RANBP3L: variants seen among roughly 807,000 people sequenced by gnomAD.
RANBP3L encodes RAN binding protein 3 like.
A neutral mutation model predicts 67.2 loss-of-function variants in RANBP3L; 56 were observed. The ratio of observed to expected loss-of-function variants is 0.83; its 90% confidence interval spans 0.67 to 1.04. RANBP3L has a LOEUF of 1.04. RANBP3L is among the 50% of genes least tolerant of loss of function. The probability of loss-of-function intolerance (pLI) is 0.00; values close to 1 mark genes in which losing one functional copy is unlikely to be tolerated. For missense variants in RANBP3L, 496 were observed against 535.5 expected (o/e 0.93, Z 0.73); for synonymous variants, 164 against 181.4 (o/e 0.90, Z 0.77).
intron 8 of RANBP3L, 147 bp from the exon 9 acceptor site, chr5:36,257,703 C>G (rs1190322851): frequency 2.2e-6 from 1 of 448,350 alleles, no homozygotes; most frequent in African/African-American, 2.0e-5. Flanking sequence ...TTTCTGTGTG[C>G]TGAACAGAGA....
At chr5:36,298,352 G>A (rs993304467) in intron 1 of RANBP3L, among the ~76,000 whole-genome samples, 53 of 151,208 alleles carry the variant, frequency 3.5e-4, no homozygotes, top group African/African-American at 1.2e-3. Flanking sequence ...AGCTAGTCAC[G>A]CCTACAGAAG....
In RANBP3L at chr5:36,297,234, A is replaced by G. The variant is rs181905577; in HGVS notation, c.91+4092T>C. ...ATTAAGAAAACCATAATGAAGAGAA[A>G]TATATTTACTGTTTATTAAGTGGAA... On this transcript the variant is annotated intron_variant, in intron 1 of 13. Transcript: ENST00000296604. 7.2e-5 allele frequency among the ~76,000 whole-genome samples: 11 copies of G among 152,282 alleles called. No homozygotes were observed. The East Asian group carries it at 2.1e-3, about 29-fold the overall frequency.
intron 12 of RANBP3L, among the ~76,000 whole-genome samples, chr5:36,251,832 T>C (rs1203370109): frequency 6.6e-6 from 1 of 152,094 alleles, no homozygotes; most frequent in Non-Finnish European, 1.5e-5. Context: ...AATTGTAGGA[T>C]TGCAGAGAAT....
chr5:36,298,318 G>T (rs1395603832), intron 1 of RANBP3L, among the ~76,000 whole-genome samples: 1 of 150,510 alleles, frequency 6.6e-6, no homozygotes, highest in African/African-American at 2.4e-5. Flanking sequence ...AAAAAAAAAG[G>T]AAAAGAAAAT....
chr5:36,280,776 T>C (rs1405518303), intron 1 of RANBP3L, among the ~76,000 whole-genome samples: 1 of 152,202 alleles, frequency 6.6e-6, no homozygotes, highest in Non-Finnish European at 1.5e-5. Flanking sequence ...TGCTCCATTA[T>C]ATTTTACTAT....
intron 1 of RANBP3L, among the ~76,000 whole-genome samples, chr5:36,290,823 C>A (rs1399521371): frequency 1.3e-5 from 2 of 148,342 alleles, no homozygotes; most frequent in African/African-American, 5.0e-5. Flanking sequence ...CCTCTGCCTC[C>A]CGGGTTCAAG....
intron 1 of RANBP3L, among the ~76,000 whole-genome samples, chr5:36,285,483 C>T (rs909852316): frequency 2.6e-5 from 4 of 152,204 alleles, no homozygotes; most frequent in African/African-American, 9.6e-5. Flanking sequence ...CTTGGCCCTT[C>T]ATCCCACAGG....
rs143948420 is a variant in RANBP3L at position 36,264,613 on chromosome 5, G to T, written c.480+346C>A. Among the ~76,000 whole-genome samples the T allele has an allele frequency of 1.0e-3, 159 of 152,252 alleles. 2 individuals are homozygous for T. Among genetic ancestry groups the T allele is most frequent in the African/African-American group, 3.7e-3 (155 of 41,532 alleles). ...TACACTGTGATGTTGACCAGTTGGC[G>T]ATGTAGAGAAAATCCCTGCCTCTTT... On this transcript the variant is annotated intron_variant, in intron 6 of 13. Transcript: ENST00000296604.
Position 36,255,768 on chromosome 5 carries a change from G to A in RANBP3L, c.904-178C>T, listed in dbSNP as rs547948351. Reference sequence around the variant, plus strand: ...TTTAGAAACATATAACTTTCGGATAGTTCAAACATCAAAAAGTAAAAAGAC... The same window carrying A: ...TTTAGAAACATATAACTTTCGGATAATTCAAACATCAAAAAGTAAAAAGAC... On this transcript the variant is annotated intron_variant, in intron 10 of 13. Transcript: ENST00000296604. Among the ~76,000 whole-genome samples the A allele has an allele frequency of 2.0e-5, 3 of 152,146 alleles. No homozygotes were observed. The East Asian group carries it at 5.8e-4, about 29-fold the overall frequency.
Position 36,251,341 on chromosome 5 carries a change from A to C in RANBP3L, c.1326T>G (p.Asp442Glu), listed in dbSNP as rs1357181581. ...NCESCDENED[D>E]FIQVTKNGSD... is the part of the protein sequence containing the mutation. ...ATCCATTTTTAGTGACTTGGATGAAATCATCCTCATTCTCATCACAGCTTT... is the reference window on the plus strand; with the variant it reads ...ATCCATTTTTAGTGACTTGGATGAACTCATCCTCATTCTCATCACAGCTTT... Residue 442 changes from aspartate (D) to glutamate (E), a missense_variant, in exon 13 of 14, where the codon GAT (aspartate) becomes GAG (glutamate). Asp to Glu is a conservative substitution (Grantham distance 45). Coordinates refer to ENST00000296604, the MANE Select transcript of RANBP3L (RefSeq NM_145000.5). 2 of 1,612,774 alleles carry C rather than the reference A, an allele frequency of 1.2e-6. No homozygotes were observed. Among genetic ancestry groups the C allele is most frequent in the Non-Finnish European group, 1.7e-6 (2 of 1,179,296 alleles).
At chr5:36,257,352 A>T (rs1272922621) in intron 9 of RANBP3L, 102 bp downstream of exon 9, 2 of 460,968 alleles carry the variant, frequency 4.3e-6, no homozygotes, top group African/African-American at 4.1e-5. Context: ...TAAATCTTAT[A>T]GTAAATATTA....
In RANBP3L at chr5:36,258,600, A is replaced by G. The variant is rs111543674; in HGVS notation, c.670-1044T>C. Among the ~76,000 whole-genome samples, 319 of 152,320 alleles carry G rather than the reference A, an allele frequency of 2.1e-3. 1 individual carries two copies. The highest frequency in any genetic ancestry group is 3.6e-3 in the Non-Finnish European group (246 of 68,022). ...TTCCTGTTATCCTTAAGATATTACC[A>G]ACTTAAAGAGATAGTTCAGGTTCCT... On this transcript the variant is annotated intron_variant, in intron 8 of 13. Transcript: ENST00000296604.
At chr5:36,251,223 C>G in intron 13 of RANBP3L, 90 bp downstream of exon 13, 1 of 1,070,842 alleles carries the variant, frequency 9.3e-7, no homozygotes, top group Admixed American at 2.6e-5. Context: ...CAGAGCAGTT[C>G]CACTTGTTAA....
At chr5:36,287,459 C>T (rs2112069981) in intron 1 of RANBP3L, among the ~76,000 whole-genome samples, 1 of 152,110 alleles carries the variant, frequency 6.6e-6, no homozygotes, top group South Asian at 2.1e-4. Flanking sequence ...AAATGAAGTG[C>T]TATGTAAATG....
chr5:36,295,346 C>T (rs1300190126), intron 1 of RANBP3L, among the ~76,000 whole-genome samples: 3 of 151,890 alleles, frequency 2.0e-5, no homozygotes, highest in Admixed American at 6.6e-5. Context: ...AGTGAGTTCT[C>T]ATGAGATCTG....
chr5:36,282,152 C>T (rs1011018309), intron 1 of RANBP3L, among the ~76,000 whole-genome samples: 1 of 151,976 alleles, frequency 6.6e-6, no homozygotes, highest in African/African-American at 2.4e-5. Flanking sequence ...ATATTTTTCA[C>T]TCAGAATAAC....
At chr5:36,279,058 T>G (rs1750794537) in intron 1 of RANBP3L, among the ~76,000 whole-genome samples, 1 of 152,054 alleles carries the variant, frequency 6.6e-6, no homozygotes, top group Admixed American at 6.6e-5. Context: ...ATGTAAAAAC[T>G]GACATTATCT....
At chr5:36,253,855 A>G (rs1748776780) in intron 11 of RANBP3L, 66 bp from the exon 12 acceptor site, 1 of 1,469,928 alleles carries the variant, frequency 6.8e-7, no homozygotes, top group Admixed American at 2.1e-5. Context: ...ACCATTTTCA[A>G]AAGCAAAATA....
chr5:36,292,275 A>G (rs1185308899), intron 1 of RANBP3L, among the ~76,000 whole-genome samples: 1 of 151,316 alleles, frequency 6.6e-6, no homozygotes, highest in Non-Finnish European at 1.5e-5. Flanking sequence ...AATTTGTTTG[A>G]GTTCATTGTA....
Sources: allele counts gnomAD v4.1 joint callset (sites outside exome capture counted in the v4.1 genomes callset), GRCh38; gene constraint gnomAD v4.1.1; transcripts MANE v1.5; gene names NCBI Gene and HGNC (gene_info 2026-07-23, HGNC 2026-07-21).